Variants in SP100 observed in about 807,000 individuals in gnomAD.
SP100 encodes SP100 nuclear body protein.
Under a neutral mutation model 130.0 loss-of-function variants are expected in SP100, and 84 were observed. The ratio of observed to expected loss-of-function variants is 0.65; its 90% CI spans 0.54 to 0.77. SP100 has a LOEUF of 0.77. Among genes scored for constraint, SP100 ranks in the 30% least tolerant of loss-of-function variants. The pLI is 0.00. For synonymous variants in SP100, 331 were observed against 351.7 expected (o/e 0.94, Z 0.66); for missense variants, 978 against 1,052.2 (o/e 0.93, Z 0.97).
At chr2:230,528,860 C>G (rs367902258) in intron 24 of SP100, among the ~76,000 whole-genome samples, 1 of 152,166 alleles carries the variant, frequency 6.6e-6, no homozygotes, top group Non-Finnish European at 1.5e-5. Flanking sequence ...CACATACACC[C>G]TCCAAAGACT....
chr2:230,521,080 G>T (rs576853958), intron 24 of SP100, among the ~76,000 whole-genome samples: 1 of 152,194 alleles, frequency 6.6e-6, no homozygotes, highest in Admixed American at 6.6e-5. Context: ...CCCAAGGTAG[G>T]TTAATCTGGA....
chr2:230,534,932 C>CA (rs1691861031), intron 24 of SP100, among the ~76,000 whole-genome samples: 1 of 152,006 alleles, frequency 6.6e-6, no homozygotes, highest in Non-Finnish European at 1.5e-5. Flanking sequence ...CATGGTGGCT[C>CA]ACGCCTGTAA....
chr2:230,504,746 A>C (rs1451984655), intron 21 of SP100, among the ~76,000 whole-genome samples: 2 of 152,174 alleles, frequency 1.3e-5, no homozygotes, highest in Admixed American at 6.5e-5. Flanking sequence ...AGCATAAACC[A>C]TATCATTTGC....
chr2:230,542,782 G>A, intron 28 of SP100, 54 bp from the exon 29 acceptor site: 1 of 1,008,672 alleles, frequency 9.9e-7, no homozygotes, highest in Non-Finnish European at 1.6e-6. Context: ...TGCAACACTG[G>A]GTGTCTCAGC....
chr2:230,468,824 A>AAAT (rs745637232), intron 13 of SP100: 3,516 of 166,646 alleles, frequency 0.021, 169 homozygotes, highest in African/African-American at 0.095. Flanking sequence ...TCTCAAAAAA[A>AAAT]AAAAAAAAAA....
At chr2:230,474,539 C>T (rs1163290727) in intron 17 of SP100, 92 bp downstream of exon 17, 4 of 697,080 alleles carry the variant, frequency 5.7e-6, no homozygotes, top group Admixed American at 5.0e-5. Context: ...CTTTTTTCAA[C>T]TTTTATTATA....
intron 24 of SP100, among the ~76,000 whole-genome samples, chr2:230,527,460 A>C (rs1691484168): frequency 6.6e-6 from 1 of 152,226 alleles, no homozygotes; most frequent in South Asian, 2.1e-4. Context: ...AGTACCAGCC[A>C]CTGCAAAAAC....
intron 21 of SP100, among the ~76,000 whole-genome samples, chr2:230,504,675 T>C (rs971258781): frequency 4.6e-5 from 7 of 152,188 alleles, no homozygotes; most frequent in African/African-American, 1.7e-4. Flanking sequence ...ACCAGTCACA[T>C]AGGTGCCCTC....
Position 230,444,313 on chromosome 2 carries a change from G to A in SP100, c.406G>A (p.Asp136Asn), listed in dbSNP as rs775852229. The A allele has an allele frequency of 8.1e-6, 13 of 1,610,846 alleles. No individual in the cohort carries two copies. Among genetic ancestry groups the A allele is most frequent in the Admixed American group, 3.4e-5 (2 of 58,980 alleles). The change falls in exon 4 of 29, where the codon GAT becomes AAT. Residue 136 changes from aspartate to asparagine, a missense_variant. Asp to Asn is a conservative substitution (Grantham distance 23). Transcript: ENST00000340126. ...CGATGTCAACATGCAGGAATACCCC[G>A]ATTTAATTCACATTTATAAAGGCTT... ...FSDVNMQEYP[D>N]LIHIYKGFEN...
intron 24 of SP100, chr2:230,515,092 C>A (rs1690831128): frequency 6.2e-7 from 1 of 1,612,482 alleles, no homozygotes. Flanking sequence ...GCAAACTTGT[C>A]AGGAGGAGCA....
At chr2:230,428,920 T>C (rs1361867411) in intron 2 of SP100, among the ~76,000 whole-genome samples, 4 of 152,214 alleles carry the variant, frequency 2.6e-5, no homozygotes, top group Admixed American at 6.5e-5. Context: ...TTAATTGCTA[T>C]AGATATAATT....
intron 24 of SP100, chr2:230,520,700 C>G (rs1202568404): frequency 6.6e-6 from 1 of 152,178 alleles, no homozygotes; most frequent in Non-Finnish European, 1.5e-5. Context: ...AATTTGATAA[C>G]AGTTTATTGA....
At chr2:230,418,656 G>A (rs896780955) in intron 2 of SP100, among the ~76,000 whole-genome samples, 1 of 151,894 alleles carries the variant, frequency 6.6e-6, no homozygotes, top group African/African-American at 2.4e-5. Context: ...CTGAGCTACA[G>A]TTTGAAGTCT....
At chr2:230,502,522 T>C (rs1429901344) in intron 19 of SP100, among the ~76,000 whole-genome samples, 1 of 152,204 alleles carries the variant, frequency 6.6e-6, no homozygotes, top group Non-Finnish European at 1.5e-5. Context: ...ATTTAATAGA[T>C]TTTGTTGTAA....
chr2:230,419,665 A>G (rs2062714163), intron 2 of SP100, among the ~76,000 whole-genome samples: 1 of 152,178 alleles, frequency 6.6e-6, no homozygotes, highest in African/African-American at 2.4e-5. Flanking sequence ...TTTTTATTAC[A>G]CTACATTGTT....
Position 230,449,597 on chromosome 2 carries a change from C to A in SP100, c.623C>A (p.Pro208His), listed in dbSNP as rs1225822141. The part of the protein sequence containing the change: ...TPPENGLSEH[P>H]CETEQINAKR... Reference sequence around the variant, plus strand: ...CCTGAAAATGGACTCTCAGAGCACCCCTGTGAAACAGAACAGATAAATGCA... The same window carrying A: ...CCTGAAAATGGACTCTCAGAGCACCACTGTGAAACAGAACAGATAAATGCA... Residue 208 changes from proline (P) to histidine (H), a missense_variant, in exon 7 of 29, where the codon CCC becomes CAC. Transcript: ENST00000340126. 1.9e-6 allele frequency: 3 copies of A among 1,613,878 alleles called. No homozygotes were observed. The highest frequency in any genetic ancestry group is 2.5e-6 in the Non-Finnish European group (3 of 1,179,984).
intron 2 of SP100, among the ~76,000 whole-genome samples, chr2:230,430,638 T>G (rs1354899121): frequency 1.3e-5 from 2 of 152,248 alleles, no homozygotes; most frequent in African/African-American, 2.4e-5. Context: ...TGTCACTGGC[T>G]GGGCTGAGTG....
intron 2 of SP100, among the ~76,000 whole-genome samples, chr2:230,419,378 C>T (rs1057395271): frequency 6.6e-6 from 1 of 152,212 alleles, no homozygotes; most frequent in African/African-American, 2.4e-5. Flanking sequence ...AGTGTAGACA[C>T]TACCAGCCCA....
At chr2:230,497,061 G>A (rs2066711269) in intron 18 of SP100, among the ~76,000 whole-genome samples, 1 of 152,134 alleles carries the variant, frequency 6.6e-6, no homozygotes, top group Admixed American at 6.5e-5. Context: ...TTTAGTATTT[G>A]GGTAGGAAAT....
Sources: allele counts gnomAD v4.1 joint callset (sites outside exome capture counted in the v4.1 genomes callset), GRCh38; gene constraint gnomAD v4.1.1; transcripts MANE v1.5; gene names NCBI Gene and HGNC (gene_info 2026-07-23, HGNC 2026-07-21).